Variants in ATG10 observed in about 807,000 individuals in gnomAD.
ATG10 encodes the protein autophagy related 10, also known as ubiquitin-like-conjugating enzyme ATG10.
Under a neutral mutation model 32.1 loss-of-function variants are expected in ATG10, and 30 were observed. The ratio of observed to expected loss-of-function variants is 0.94; its 90% CI spans 0.70 to 1.27. ATG10 has a LOEUF of 1.27. Among genes scored for constraint, ATG10 ranks in the 50% most tolerant of loss-of-function variants. The pLI is 0.00. For missense variants in ATG10, 233 were observed against 262.3 expected (o/e 0.89, Z 0.77); for synonymous variants, 87 against 91.5 (o/e 0.95, Z 0.28).
In ATG10 at chr5:82,139,235, C is replaced by T. The variant is rs369857073; in HGVS notation, c.217-25164C>T. ...CGCCTGCCTTGGCCTCCCAAAGTGC[C>T]GAGATTGCAGCCTCTGCCGGGCCAC... On this transcript the variant is annotated intron_variant, in intron 3 of 7. Transcript: ENST00000282185. Among the ~76,000 whole-genome samples the T allele has an allele frequency of 2.2e-3, 296 of 133,920 alleles. 2 individuals are homozygous for T. The highest frequency in any genetic ancestry group is 2.6e-3 in the Non-Finnish European group (162 of 63,314). 87.9% of individuals were successfully genotyped at this position (133,920 alleles called of 152,430 possible).
chr5:82,141,423 C>T (rs970001237), intron 3 of ATG10, among the ~76,000 whole-genome samples: 2 of 152,104 alleles, frequency 1.3e-5, no homozygotes, highest in African/African-American at 4.8e-5. Flanking sequence ...GTGTCCTTTA[C>T]TTAAAATATC....
At position 82,104,802 on chromosome 5, in the gene ATG10, T is replaced by A. The variant is rs1302019383; in HGVS notation, c.216+46200T>A. 3.9e-5 allele frequency among the ~76,000 whole-genome samples: 6 copies of A among 152,284 alleles called. No homozygotes were observed. In the East Asian group the frequency reaches 1.2e-3, roughly 29 times the overall value. ...TTATTGTTAAACCTATATATGAGAT[T>A]ATATTGAATTGTCATATACAAGGTC... On this transcript the variant is annotated intron_variant, in intron 3 of 7. Coordinates refer to ENST00000282185, the MANE Select transcript of ATG10 (RefSeq NM_031482.5).
chr5:82,037,380 T>C (rs1762963254), intron 2 of ATG10, among the ~76,000 whole-genome samples: 1 of 144,208 alleles, frequency 6.9e-6, no homozygotes, highest in Non-Finnish European at 1.5e-5. Flanking sequence ...CCCAAGTAGC[T>C]GGGACTACAG....
At chr5:81,983,663 G>T (rs778473269) in intron 1 of ATG10, among the ~76,000 whole-genome samples, 9 of 151,470 alleles carry the variant, frequency 5.9e-5, no homozygotes, top group African/African-American at 1.9e-4. Context: ...CCTCCCTCCC[G>T]GACGGGGTGG....
At chr5:82,238,704 T>G (rs1320176691) in intron 5 of ATG10, among the ~76,000 whole-genome samples, 1 of 152,060 alleles carries the variant, frequency 6.6e-6, no homozygotes, top group African/African-American at 2.4e-5. Flanking sequence ...TATGTATGAG[T>G]GTTTAGCATG....
chr5:82,012,640 C>T (rs1018551526), intron 2 of ATG10, among the ~76,000 whole-genome samples: 2 of 152,110 alleles, frequency 1.3e-5, no homozygotes, highest in African/African-American at 4.8e-5. Flanking sequence ...TCCTTGACAG[C>T]AAGCACTATG....
intron 2 of ATG10, among the ~76,000 whole-genome samples, chr5:82,033,973 A>G (rs990570367): frequency 2.0e-5 from 3 of 147,788 alleles, no homozygotes; most frequent in African/African-American, 5.0e-5. Context: ...TATATAGTAT[A>G]TATACATACA....
intron 2 of ATG10, among the ~76,000 whole-genome samples, chr5:82,003,902 G>T (rs1188388552): frequency 6.6e-6 from 1 of 152,206 alleles, no homozygotes; most frequent in Non-Finnish European, 1.5e-5. Context: ...CACTTTGGGA[G>T]GCCAAGGCAG....
chr5:82,047,641 G>T (rs1332165510), intron 2 of ATG10, among the ~76,000 whole-genome samples: 2 of 152,030 alleles, frequency 1.3e-5, no homozygotes, highest in African/African-American at 4.8e-5. Flanking sequence ...AATTTTTTCT[G>T]CCACTTATTC....
intron 3 of ATG10, among the ~76,000 whole-genome samples, chr5:82,101,227 G>A (rs999578597): frequency 6.6e-6 from 1 of 152,088 alleles, no homozygotes; most frequent in Admixed American, 6.6e-5. Context: ...TAAAGTCACT[G>A]AGTACTCCGA....
intron 3 of ATG10, among the ~76,000 whole-genome samples, chr5:82,084,546 T>G (rs1005389110): frequency 6.6e-6 from 1 of 152,012 alleles, no homozygotes; most frequent in East Asian, 1.9e-4. Flanking sequence ...TCACCAAAGT[T>G]GAAATGAAGG....
chr5:82,040,157 A>G (rs1763041716), intron 2 of ATG10, among the ~76,000 whole-genome samples: 1 of 152,212 alleles, frequency 6.6e-6, no homozygotes, highest in Non-Finnish European at 1.5e-5. Flanking sequence ...TAGCTGAAGT[A>G]GTCACAGGCT....
intron 3 of ATG10, among the ~76,000 whole-genome samples, chr5:82,081,605 A>G (rs1433941517): frequency 6.6e-6 from 1 of 152,154 alleles, no homozygotes; most frequent in Non-Finnish European, 1.5e-5. Flanking sequence ...TTCTGCATCT[A>G]TTGAGATAAT....
rs558814089 is a variant in ATG10, at chr5:82,139,032, C to G, written c.217-25367C>G. On this transcript the variant is annotated intron_variant, in intron 3 of 7. Coordinates refer to ENST00000282185, the MANE Select transcript of ATG10 (RefSeq NM_031482.5). ...CACGCCTGACTGGTTTTGGTGGAGACGGGGTTTCGCTGTGTTGGCCGGGCC... is the reference window on the plus strand; with the variant it reads ...CACGCCTGACTGGTTTTGGTGGAGAGGGGGTTTCGCTGTGTTGGCCGGGCC... Among the ~76,000 whole-genome samples, 1,029 of 150,506 alleles carry G rather than the reference C, an allele frequency of 6.8e-3. 10 individuals are homozygous for G. Among genetic ancestry groups the G allele is most frequent in the African/African-American group, 0.024 (965 of 40,938 alleles).
rs116156427 is a variant in ATG10, at chr5:82,042,634, A to C, written c.109-15861A>C. On this transcript the variant is annotated intron_variant, in intron 2 of 7. Transcript: ENST00000282185. ...AAAAAACTAATTACTTCTAAGATGC[A>C]ATGGGTATACAGGCATTGGGTAAAT... Among the ~76,000 whole-genome samples, 884 of 152,334 alleles carry C rather than the reference A, an allele frequency of 5.8e-3. 7 individuals carry two copies. The highest frequency in any genetic ancestry group is 0.02 in the African/African-American group (829 of 41,578).
At chr5:82,207,370 G>T (rs1354460269) in intron 5 of ATG10, among the ~76,000 whole-genome samples, 3 of 151,998 alleles carry the variant, frequency 2.0e-5, no homozygotes, top group Non-Finnish European at 1.5e-5. Flanking sequence ...GATGCATTTT[G>T]GTGTATCATT....
chr5:82,215,987 G>A (rs1263755821), intron 5 of ATG10, among the ~76,000 whole-genome samples: 1 of 151,920 alleles, frequency 6.6e-6, no homozygotes, highest in Non-Finnish European at 1.5e-5. Context: ...ATGACCTTCT[G>A]AGAATTCAAA....
At chr5:82,036,719 A>G (rs2149721950) in intron 2 of ATG10, among the ~76,000 whole-genome samples, 1 of 152,224 alleles carries the variant, frequency 6.6e-6, no homozygotes, top group East Asian at 1.9e-4. Context: ...TTACTTTACA[A>G]GTTTTATAAA....
At chr5:82,166,893 G>T (rs930990030) in intron 4 of ATG10, among the ~76,000 whole-genome samples, 1 of 151,900 alleles carries the variant, frequency 6.6e-6, no homozygotes, top group Middle Eastern at 3.2e-3. Context: ...AATTTCTTTT[G>T]CATTTGATTG....
Sources: gnomAD v4.1 joint callset for allele counts (sites outside exome capture counted in the v4.1 genomes callset) on GRCh38, gnomAD v4.1.1 for gene constraint, MANE v1.5 for transcripts, NCBI Gene and HGNC (gene_info 2026-07-23, HGNC 2026-07-21) for gene names.